LINC00237: variants seen among roughly 807,000 people sequenced by gnomAD.
LINC00237 encodes long intergenic non-protein coding RNA 237.
chr20:21,091,310 G>A (rs771732693), intron 2 of LINC00237, among the ~76,000 whole-genome samples: 8 of 152,100 alleles, frequency 5.3e-5, no homozygotes, highest in Non-Finnish European at 5.9e-5. Context: ...CGAGAGAGCC[G>A]TCATATTTTA....
chr20:21,102,504 G>C (rs2030945266), intron 1 of LINC00237, among the ~76,000 whole-genome samples: 1 of 152,142 alleles, frequency 6.6e-6, no homozygotes, highest in Non-Finnish European at 1.5e-5. Context: ...GCTCATGCCC[G>C]GAACAGGGGT....
intron 2 of LINC00237, chr20:21,092,756 A>T (rs1294812173): frequency 6.6e-6 from 1 of 152,236 alleles, no homozygotes. Context: ...ACAGTCTACA[A>T]GAACAGTGGT....
At chr20:21,105,709 T>C (rs2030990049) in intron 1 of LINC00237, among the ~76,000 whole-genome samples, 1 of 152,178 alleles carries the variant, frequency 6.6e-6, no homozygotes, top group African/African-American at 2.4e-5. Flanking sequence ...TTTTCGCGCC[T>C]CCCCTAGGAA....
intron 1 of LINC00237, among the ~76,000 whole-genome samples, chr20:21,095,682 T>C (rs765337571): frequency 6.6e-6 from 1 of 152,152 alleles, no homozygotes; most frequent in Non-Finnish European, 1.5e-5. Context: ...GGGAAGGAGA[T>C]CTTTAAGGCA....
At chr20:21,104,532 G>A in intron 1 of LINC00237, among the ~76,000 whole-genome samples, 1 of 152,250 alleles carries the variant, frequency 6.6e-6, no homozygotes, top group East Asian at 1.9e-4. Context: ...ACAGAGAGGT[G>A]CGGCCCCTGG....
intron 2 of LINC00237, chr20:21,092,729 A>G (rs1036525004): frequency 6.6e-6 from 1 of 152,186 alleles, no homozygotes; most frequent in Non-Finnish European, 1.5e-5. Context: ...CTGATGCTGA[A>G]TAGAAAATGC....
chr20:21,100,262 G>C (rs1216143023), intron 1 of LINC00237, among the ~76,000 whole-genome samples: 1 of 152,182 alleles, frequency 6.6e-6, no homozygotes, highest in East Asian at 1.9e-4. Flanking sequence ...GGGGGCGGAG[G>C]AATCTGTTGG....
chr20:21,092,248 T>A lies in LINC00237; in HGVS notation n.472+1221A>T, dbSNP rs41442348. On this transcript the variant is annotated intron_variant and non_coding_transcript_variant, in intron 2 of 3. Transcript: ENST00000691244. Reference sequence around the variant, plus strand: ...TCTTGGTTTATTTCGGGGGGTACTATTGCACGAGAAGCTTGATCAAGGGAT... The same window carrying A: ...TCTTGGTTTATTTCGGGGGGTACTAATGCACGAGAAGCTTGATCAAGGGAT... Among the ~76,000 whole-genome samples, 858 of 152,228 alleles carry A rather than the reference T, an allele frequency of 5.6e-3. 9 individuals carry two copies. The highest frequency in any genetic ancestry group is 0.02 in the African/African-American group (828 of 41,540).
At chr20:21,092,496 G>C (rs1298088697) in intron 2 of LINC00237, among the ~76,000 whole-genome samples, 1 of 152,246 alleles carries the variant, frequency 6.6e-6, no homozygotes, top group African/African-American at 2.4e-5. Flanking sequence ...GTAGAAGGGA[G>C]AGCCACATCC....
At chr20:21,087,071 C>T (rs1600309247) in intron 3 of LINC00237, among the ~76,000 whole-genome samples, 1 of 142,740 alleles carries the variant, frequency 7.0e-6, no homozygotes, top group South Asian at 2.2e-4. Context: ...ATATACACAC[C>T]CACACCCACA....
At chr20:21,103,242 C>A (rs1375338647) in intron 1 of LINC00237, among the ~76,000 whole-genome samples, 1 of 152,236 alleles carries the variant, frequency 6.6e-6, no homozygotes, top group Non-Finnish European at 1.5e-5. Context: ...AACACGAAAG[C>A]GCCTTGTGGC....
chr20:21,088,820 G>A (rs2030749317), intron 2 of LINC00237, among the ~76,000 whole-genome samples: 1 of 151,962 alleles, frequency 6.6e-6, no homozygotes, highest in African/African-American at 2.4e-5. Context: ...CTTGTGATGA[G>A]AGTCCAATGA....
At chr20:21,099,635 C>A (rs1289071486) in intron 1 of LINC00237, among the ~76,000 whole-genome samples, 1 of 152,076 alleles carries the variant, frequency 6.6e-6, no homozygotes, top group African/African-American at 2.4e-5. Context: ...GACCTGCTGA[C>A]ACCCTGATGA....
chr20:21,085,925 A>G (rs1470955405), intron 3 of LINC00237, among the ~76,000 whole-genome samples: 1 of 152,226 alleles, frequency 6.6e-6, no homozygotes, highest in Non-Finnish European at 1.5e-5. Flanking sequence ...ATTCACAGGA[A>G]TCATAAGCTT....
At chr20:21,090,794 G>A (rs1001228993) in intron 2 of LINC00237, among the ~76,000 whole-genome samples, 2 of 152,004 alleles carry the variant, frequency 1.3e-5, no homozygotes, top group Non-Finnish European at 1.5e-5. Flanking sequence ...ATTACACGCC[G>A]GATCAACATA....
At chr20:21,092,180 A>G (rs796372812) in intron 2 of LINC00237, among the ~76,000 whole-genome samples, 15 of 152,332 alleles carry the variant, frequency 9.8e-5, no homozygotes, top group African/African-American at 3.4e-4. Flanking sequence ...TTATCAACCA[A>G]TAAATACCCT....
intron 1 of LINC00237, among the ~76,000 whole-genome samples, chr20:21,098,136 A>G (rs2030884117): frequency 6.6e-6 from 1 of 152,246 alleles, no homozygotes. Context: ...GCTGCAGATT[A>G]AGAAACTGAA....
At chr20:21,089,990 C>T (rs1423547898) in intron 2 of LINC00237, 1 of 152,162 alleles carries the variant, frequency 6.6e-6, no homozygotes, top group Non-Finnish European at 1.5e-5. Flanking sequence ...CAAAGTGCAG[C>T]TTCAGTGTGT....
chr20:21,095,255 C>T (rs1429692732), intron 1 of LINC00237, among the ~76,000 whole-genome samples: 1 of 152,112 alleles, frequency 6.6e-6, no homozygotes, highest in Non-Finnish European at 1.5e-5. Context: ...GAAACCCATG[C>T]TAGGGTACAG....
Sources: gnomAD v4.1 joint callset for allele counts (sites outside exome capture counted in the v4.1 genomes callset) on GRCh38, gnomAD v4.1.1 for gene constraint, MANE v1.5 for transcripts, NCBI Gene and HGNC (gene_info 2026-07-23, HGNC 2026-07-21) for gene names.